BTG4: variants seen among roughly 807,000 people sequenced by gnomAD.
The protein encoded by BTG4 is BTG anti-proliferation factor 4.
In BTG4, 10 loss-of-function variants were observed where a neutral mutation model predicts 19.3. The observed-to-expected ratio is 0.52, with a 90% CI of 0.32 to 0.88. The LOEUF (loss-of-function observed/expected upper bound fraction) is 0.88, where lower values mean the gene tolerates loss of function less well. Ranked by LOEUF, BTG4 falls within the 40% of genes least tolerant of loss-of-function variation. BTG4 has a pLI of 0.04. For missense variants in BTG4, 238 were observed against 281.9 expected (o/e 0.84, Z 1.11); for synonymous variants, 91 against 95.7 (o/e 0.95, Z 0.29).
At chr11:111,484,384 T>G (rs969623147) in intron 5 of BTG4, among the ~76,000 whole-genome samples, 1 of 152,164 alleles carries the variant, frequency 6.6e-6, no homozygotes, top group Non-Finnish European at 1.5e-5. Flanking sequence ...GTATCTTTCA[T>G]AGGAAGACTA....
At chr11:111,485,623 A>G (rs2135594852) in intron 5 of BTG4, among the ~76,000 whole-genome samples, 1 of 152,324 alleles carries the variant, frequency 6.6e-6, no homozygotes, top group Non-Finnish European at 1.5e-5. Context: ...GTTTATAGCA[A>G]TAAATGCCTC....
the BTG4 span, chr11:111,397,167 A>G: frequency 6.6e-6 from 1 of 152,322 alleles, no homozygotes; most frequent in African/African-American, 2.4e-5. Flanking sequence ...GACTGTCTCC[A>G]AATACCCACA....
At chr11:111,464,515 C>G (rs371150533), downstream of BTG4, 2 of 152,264 alleles carry the variant, frequency 1.3e-5, no homozygotes, top group African/African-American at 4.8e-5. Context: ...CAACCCTAGG[C>G]CCTCACCTCA....
intron 5 of BTG4, chr11:111,469,682 C>T (rs893174669): frequency 6.6e-6 from 1 of 152,658 alleles, no homozygotes; most frequent in African/African-American, 2.4e-5. Context: ...AAGATGAGAA[C>T]TCTCAAGCCC....
At chr11:111,477,347 C>T (rs1197864648) in intron 5 of BTG4, among the ~76,000 whole-genome samples, 5 of 152,128 alleles carry the variant, frequency 3.3e-5, no homozygotes, top group Non-Finnish European at 5.9e-5. Context: ...CTTGTGTACA[C>T]ACACACACAG....
At chr11:111,403,208 C>T in the BTG4 span, among the ~76,000 whole-genome samples, 1 of 152,154 alleles carries the variant, frequency 6.6e-6, no homozygotes, top group Non-Finnish European at 1.5e-5. Context: ...AAAGTAGAGC[C>T]TCAGGTTACA....
the BTG4 span, among the ~76,000 whole-genome samples, chr11:111,401,489 A>AAAAAG: frequency 1.5e-4 from 23 of 151,916 alleles, no homozygotes; most frequent in African/African-American, 5.1e-4. Flanking sequence ...CTCAAAAAAA[A>AAAAAG]AAAAGAAAAG....
chr11:111,459,981 T>C, the BTG4 span, among the ~76,000 whole-genome samples: 11 of 152,132 alleles, frequency 7.2e-5, no homozygotes, highest in Non-Finnish European at 1.3e-4. Flanking sequence ...ATAAATCATG[T>C]ATGTCTCCCC....
chr11:111,405,179 G>A, the BTG4 span, among the ~76,000 whole-genome samples: 1 of 152,134 alleles, frequency 6.6e-6, no homozygotes, highest in African/African-American at 2.4e-5. Flanking sequence ...GCCGAGGCGG[G>A]TGGATCAGGA....
At chr11:111,441,547 T>C in the BTG4 span, among the ~76,000 whole-genome samples, 6 of 152,350 alleles carry the variant, frequency 3.9e-5, no homozygotes, top group African/African-American at 1.2e-4. Context: ...GCCTTACGGA[T>C]TGACTTCTCT....
chr11:111,411,412 C>G, the BTG4 span, among the ~76,000 whole-genome samples: 1 of 152,310 alleles, frequency 6.6e-6, no homozygotes, highest in Non-Finnish European at 1.5e-5. Flanking sequence ...ACCTGGCATG[C>G]TCCTCCTTTC....
the BTG4 span, chr11:111,462,053 C>T: frequency 1.3e-5 from 2 of 152,700 alleles, no homozygotes; most frequent in East Asian, 1.9e-4. Flanking sequence ...AGAGGCACCA[C>T]CTCACAGTCC....
the BTG4 span, among the ~76,000 whole-genome samples, chr11:111,425,344 C>T: frequency 6.6e-6 from 1 of 152,018 alleles, no homozygotes; most frequent in Non-Finnish European, 1.5e-5. Flanking sequence ...TAAACACATA[C>T]ACAAAAGACA....
chr11:111,407,431 G>A, the BTG4 span, among the ~76,000 whole-genome samples: 1 of 152,154 alleles, frequency 6.6e-6, no homozygotes, highest in Non-Finnish European at 1.5e-5. Flanking sequence ...AGCACTTTGG[G>A]AGGCCAAGGC....
At chr11:111,509,981 G>A (rs1397284332) in intron 1 of BTG4, among the ~76,000 whole-genome samples, 4 of 141,050 alleles carry the variant, frequency 2.8e-5, no homozygotes, top group Non-Finnish European at 3.0e-5. Context: ...GCACGATCTC[G>A]GCTCACTGCA....
At chr11:111,449,812 C>T in the BTG4 span, 1 of 152,292 alleles carries the variant, frequency 6.6e-6, no homozygotes, top group South Asian at 2.1e-4. Flanking sequence ...GCCCTCTGTG[C>T]CCAGAGAGAC....
the BTG4 span, among the ~76,000 whole-genome samples, chr11:111,458,400 C>A: frequency 3.9e-5 from 6 of 152,166 alleles, no homozygotes; most frequent in African/African-American, 1.4e-4. Flanking sequence ...ATACCCCGAC[C>A]CCATGAGTGC....
At chr11:111,434,387 A>C in the BTG4 span, among the ~76,000 whole-genome samples, 1 of 152,108 alleles carries the variant, frequency 6.6e-6, no homozygotes, top group African/African-American at 2.4e-5. Flanking sequence ...AACATCCCAC[A>C]CTGGGGCCTG....
chr11:111,505,416 G>C (rs1166383681), intron 1 of BTG4, among the ~76,000 whole-genome samples: 2 of 152,022 alleles, frequency 1.3e-5, no homozygotes, highest in Non-Finnish European at 2.9e-5. Flanking sequence ...AAACTGGCTA[G>C]CCATATGCAG....
Sources: allele counts gnomAD v4.1 joint callset (sites outside exome capture counted in the v4.1 genomes callset), GRCh38; gene constraint gnomAD v4.1.1; transcripts MANE v1.5; gene names NCBI Gene and HGNC (gene_info 2026-07-23, HGNC 2026-07-21).